ARHGAP28: variants seen among roughly 807,000 people sequenced by gnomAD.
The protein encoded by ARHGAP28 is rho GTPase-activating protein 28.
ARHGAP28 carries 56 observed loss-of-function variants against 90.7 expected under a neutral mutation model. The ratio of observed to expected loss-of-function variants is 0.62; its 90% confidence interval spans 0.50 to 0.77. The LOEUF (loss-of-function observed/expected upper bound fraction) is 0.77. ARHGAP28 is among the 30% of genes least tolerant of loss of function. ARHGAP28 has a pLI of 0.00. For missense variants in ARHGAP28, 869 were observed against 900.9 expected, an observed-to-expected ratio of 0.96 and a Z score of 0.45; for synonymous variants, 308 against 323.3, an observed-to-expected ratio of 0.95 and a Z score of 0.51.
At chr18:6,755,177 C>T (rs1333950129) in intron 1 of ARHGAP28, among the ~76,000 whole-genome samples, 1 of 151,276 alleles carries the variant, frequency 6.6e-6, no homozygotes, top group Non-Finnish European at 1.5e-5. Flanking sequence ...TGTCTTAAAG[C>T]AAAAAAAGAA....
intron 3 of ARHGAP28, among the ~76,000 whole-genome samples, chr18:6,842,899 A>G (rs1007831528): frequency 1.3e-5 from 2 of 152,204 alleles, no homozygotes; most frequent in Non-Finnish European, 2.9e-5. Flanking sequence ...TTAAAAAATA[A>G]CATTTGACAT....
At chr18:6,808,948 C>T (rs1039580505) in intron 1 of ARHGAP28, among the ~76,000 whole-genome samples, 1 of 152,188 alleles carries the variant, frequency 6.6e-6, no homozygotes, top group African/African-American at 2.4e-5. Flanking sequence ...ATGCCAATTC[C>T]TAAAGCAATA....
At chr18:6,734,352 G>A (rs1270954152) in intron 1 of ARHGAP28, among the ~76,000 whole-genome samples, 3 of 151,998 alleles carry the variant, frequency 2.0e-5, no homozygotes, top group Admixed American at 6.6e-5. Flanking sequence ...AGGTATAGTA[G>A]AAAATGGCCA....
chr18:6,772,488 T>TA (rs1179270149), intron 1 of ARHGAP28, among the ~76,000 whole-genome samples: 2 of 152,238 alleles, frequency 1.3e-5, no homozygotes, highest in Non-Finnish European at 2.9e-5. Flanking sequence ...ATACTTGGAG[T>TA]ACCCATTCAA....
chr18:6,876,034 C>A, intron 9 of ARHGAP28, 97 bp from the exon 10 acceptor site: 1 of 994,544 alleles, frequency 1.0e-6, no homozygotes, highest in African/African-American at 1.6e-5. Flanking sequence ...TATATATATG[C>A]TTGGTAACTT....
At chr18:6,786,663 A>T (rs2056367222) in intron 1 of ARHGAP28, among the ~76,000 whole-genome samples, 1 of 152,198 alleles carries the variant, frequency 6.6e-6, no homozygotes, top group Admixed American at 6.5e-5. Flanking sequence ...AGATTGTACC[A>T]TTTAAAATTT....
chr18:6,881,231 G>A (rs1344677600), intron 10 of ARHGAP28, among the ~76,000 whole-genome samples: 6 of 152,308 alleles, frequency 3.9e-5, no homozygotes, highest in South Asian at 2.1e-4. Context: ...CTGGCTGTGC[G>A]TGCTCAAGGC....
chr18:6,798,612 TGTAC>T (rs1425853172), intron 1 of ARHGAP28, among the ~76,000 whole-genome samples: 2 of 152,194 alleles, frequency 1.3e-5, no homozygotes, highest in Admixed American at 1.3e-4. Context: ...AACCAAATAC[TGTAC>T]GTTCTCACTG....
chr18:6,774,924 C>A (rs1335597443), intron 1 of ARHGAP28, among the ~76,000 whole-genome samples: 2 of 152,182 alleles, frequency 1.3e-5, no homozygotes, highest in African/African-American at 4.8e-5. Flanking sequence ...TCTGTCTACC[C>A]CTCCCTTAAG....
intron 2 of ARHGAP28, among the ~76,000 whole-genome samples, chr18:6,833,433 TC>T (rs2056730496): frequency 2.0e-5 from 3 of 151,696 alleles, no homozygotes; most frequent in Non-Finnish European, 2.9e-5. Context: ...TTCTCTTTCT[TC>T]TCTCTCTCTC....
At chr18:6,808,140 C>T (rs552138633) in intron 1 of ARHGAP28, among the ~76,000 whole-genome samples, 2 of 152,258 alleles carry the variant, frequency 1.3e-5, no homozygotes, top group East Asian at 3.9e-4. Context: ...CTGATATCCT[C>T]CTATTGGTCA....
chr18:6,872,169 G>T (rs11663550), intron 7 of ARHGAP28, among the ~76,000 whole-genome samples: 59,738 of 152,066 alleles, frequency 0.39, 12,881 homozygotes, highest in Non-Finnish European at 0.49. Flanking sequence ...GCTGGCCCCT[G>T]CATCTCCTCA....
chr18:6,900,568 A>G (rs1468470897), intron 16 of ARHGAP28, among the ~76,000 whole-genome samples: 1 of 152,204 alleles, frequency 6.6e-6, no homozygotes, highest in Non-Finnish European at 1.5e-5. Context: ...ATAACAGCGG[A>G]TAGAATTAGC....
chr18:6,870,814 T>A, intron 7 of ARHGAP28, 82 bp downstream of exon 7: 4 of 1,449,292 alleles, frequency 2.8e-6, no homozygotes, highest in Non-Finnish European at 3.7e-6. Flanking sequence ...TCTTTTTTTT[T>A]TTTGAGACGG....
intron 1 of ARHGAP28, among the ~76,000 whole-genome samples, chr18:6,755,675 A>G (rs1232060382): frequency 1.3e-5 from 2 of 152,220 alleles, no homozygotes; most frequent in Non-Finnish European, 2.9e-5. Flanking sequence ...GAACTTAACA[A>G]TTATGCCTGG....
chr18:6,885,446 C>T (rs2057212904), intron 11 of ARHGAP28, among the ~76,000 whole-genome samples: 2 of 152,142 alleles, frequency 1.3e-5, no homozygotes, highest in Non-Finnish European at 2.9e-5. Context: ...GAGCCTTTTC[C>T]ACTAATGTCG....
chr18:6,820,234 A>G (rs987493826), intron 1 of ARHGAP28, among the ~76,000 whole-genome samples: 1 of 152,240 alleles, frequency 6.6e-6, no homozygotes, highest in African/African-American at 2.4e-5. Context: ...ATCTCTAAAA[A>G]GAACTAATTG....
At chr18:6,811,335 A>C (rs1037000847) in intron 1 of ARHGAP28, among the ~76,000 whole-genome samples, 4 of 152,200 alleles carry the variant, frequency 2.6e-5, no homozygotes, top group African/African-American at 9.7e-5. Flanking sequence ...TAGACTGGAG[A>C]GAAGAAAAGG....
At chr18:6,902,739 A>T (rs1199757560) in intron 16 of ARHGAP28, among the ~76,000 whole-genome samples, 1 of 152,274 alleles carries the variant, frequency 6.6e-6, no homozygotes, top group Non-Finnish European at 1.5e-5. Context: ...TGCTACAGCC[A>T]CTGTAGAAAA....
Sources: allele counts gnomAD v4.1 joint callset (sites outside exome capture counted in the v4.1 genomes callset), GRCh38; gene constraint gnomAD v4.1.1; transcripts MANE v1.5; gene names NCBI Gene and HGNC (gene_info 2026-07-23, HGNC 2026-07-21).